DPY19L4: variants seen among roughly 807,000 people sequenced by gnomAD.
DPY19L4 encodes the protein dpy-19 like 4.
A neutral mutation model predicts 102.8 loss-of-function variants in DPY19L4; 97 were observed. That is an observed-to-expected ratio of 0.94 (90% CI 0.80 to 1.12). The LOEUF (loss-of-function observed/expected upper bound fraction) is 1.12. DPY19L4 is among the 50% of genes most tolerant of loss of function. The pLI is 0.00. For synonymous variants in DPY19L4, 252 were observed against 283.1 expected, an observed-to-expected ratio of 0.89 and a Z score of 1.10; for missense variants, 815 against 850.4, an observed-to-expected ratio of 0.96 and a Z score of 0.52.
intron 4 of DPY19L4, 91 bp downstream of exon 4, chr8:94,738,550 TGTCACCCAGGC>T (rs1017317616): frequency 1.2e-5 from 7 of 608,118 alleles, no homozygotes; most frequent in Non-Finnish European, 1.7e-5. Flanking sequence ...AGTCTTGCTC[TGTCACCCAGGC>T]TGGAGTGCAG....
At chr8:94,724,715 G>T (rs905742543) in intron 1 of DPY19L4, among the ~76,000 whole-genome samples, 3 of 152,154 alleles carry the variant, frequency 2.0e-5, no homozygotes, top group Non-Finnish European at 1.5e-5. Flanking sequence ...AGCCTCCTGA[G>T]TAGCTGGGAT....
intron 13 of DPY19L4, among the ~76,000 whole-genome samples, chr8:94,775,109 C>T (rs1813115900): frequency 6.6e-6 from 1 of 151,972 alleles, no homozygotes; most frequent in African/African-American, 2.4e-5. Context: ...AAAAACTATG[C>T]ATGTATTCCA....
chr8:94,784,554 G>A lies in DPY19L4; in HGVS notation c.1848+752G>A, dbSNP rs558500576. 5.3e-5 allele frequency among the ~76,000 whole-genome samples: 8 copies of A among 152,058 alleles called. No homozygotes were observed. The South Asian group carries it at 1.0e-3, about 20-fold the overall frequency. On this transcript the variant is annotated intron_variant, in intron 17 of 18. Transcript: ENST00000414645. ...AGTGATTCTTCTGCCTCAGTCTCCC[G>A]AGTAGCTGGGATTACAGGCACCAGC...
chr8:94,721,554 G>A (rs1301547147), intron 1 of DPY19L4, among the ~76,000 whole-genome samples: 1 of 152,106 alleles, frequency 6.6e-6, no homozygotes, highest in Non-Finnish European at 1.5e-5. Context: ...AATATTTCTT[G>A]ATGTATTTTT....
chr8:94,768,763 G>A (rs183455525), intron 12 of DPY19L4, among the ~76,000 whole-genome samples: 12 of 152,170 alleles, frequency 7.9e-5, no homozygotes, highest in Admixed American at 3.9e-4. Context: ...GGAGGCCGAA[G>A]CGGGCAGATC....
chr8:94,742,183 G>C (rs11990813), intron 6 of DPY19L4, among the ~76,000 whole-genome samples: 32,278 of 151,734 alleles, frequency 0.21, 4,099 homozygotes, highest in African/African-American at 0.35. Flanking sequence ...ACGGTGAAAC[G>C]CCATCTCTAC....
intron 17 of DPY19L4, among the ~76,000 whole-genome samples, chr8:94,785,749 G>T (rs1213963500): frequency 6.6e-6 from 1 of 152,214 alleles, no homozygotes; most frequent in Admixed American, 6.5e-5. Flanking sequence ...AGAGACAGCA[G>T]CCATCTCTGA....
At chr8:94,746,322 AAGTGCTG>A (rs1362663799) in intron 6 of DPY19L4, among the ~76,000 whole-genome samples, 2 of 151,952 alleles carry the variant, frequency 1.3e-5, no homozygotes, top group African/African-American at 4.8e-5. Flanking sequence ...TGGCCTCCCA[AAGTGCTG>A]GGATTACAGG....
intron 6 of DPY19L4, among the ~76,000 whole-genome samples, chr8:94,753,946 C>G (rs986411219): frequency 1.3e-5 from 2 of 152,048 alleles, no homozygotes; most frequent in African/African-American, 4.8e-5. Flanking sequence ...CTTTGGGAAG[C>G]CAAGGCAGGC....
intron 3 of DPY19L4, among the ~76,000 whole-genome samples, chr8:94,737,495 C>T (rs913588532): frequency 1.3e-5 from 2 of 151,746 alleles, no homozygotes; most frequent in African/African-American, 4.8e-5. Context: ...AATTTAAAAC[C>T]AAGTAAGGGC....
At chr8:94,777,321 C>T (rs1813229930) in intron 13 of DPY19L4, among the ~76,000 whole-genome samples, 1 of 152,132 alleles carries the variant, frequency 6.6e-6, no homozygotes, top group Non-Finnish European at 1.5e-5. Context: ...CCCACCTCAG[C>T]CTCCCAAAGT....
chr8:94,777,891 G>A, intron 14 of DPY19L4, 105 bp downstream of exon 14: 1 of 1,324,902 alleles, frequency 7.5e-7, no homozygotes, highest in Non-Finnish European at 1.0e-6. Flanking sequence ...TAAATTACAT[G>A]ATGACTTACA....
At chr8:94,789,652 T>A in intron 18 of DPY19L4, 94 bp from the exon 19 acceptor site, 1 of 1,148,764 alleles carries the variant, frequency 8.7e-7, no homozygotes, top group Admixed American at 2.6e-5. Flanking sequence ...CAATAATGTG[T>A]TTTTTCATAT....
rs1452849142 is a variant in DPY19L4, at chr8:94,739,477, A to T, written c.408A>T (p.Gln136His). The T allele has an allele frequency of 2.5e-6, 4 of 1,609,210 alleles. No homozygotes were observed. The highest frequency in any genetic ancestry group is 3.4e-6 in the Non-Finnish European group (4 of 1,178,878). Residue 136 changes from glutamine (Q) to histidine (H), a missense_variant, in exon 5 of 19, where the codon CAA (glutamine) becomes CAT (histidine). Coordinates refer to ENST00000414645, the MANE Select transcript of DPY19L4 (RefSeq NM_181787.3). ...TGAAGACTATAAATGCAGTGCAGCA[A>T]ATGTCTCTGTATCCGGAACTTATTG... is the stretch of plus-strand genomic sequence containing the variant. ...VSLKTINAVQ[Q>H]MSLYPELIAS...
chr8:94,728,294 G>C (rs1810779731), intron 2 of DPY19L4, among the ~76,000 whole-genome samples: 1 of 152,206 alleles, frequency 6.6e-6, no homozygotes, highest in South Asian at 2.1e-4. Context: ...TACACTGTTG[G>C]ACAGGGACAG....
chr8:94,723,160 A>G (rs753996620), intron 1 of DPY19L4, among the ~76,000 whole-genome samples: 12 of 152,160 alleles, frequency 7.9e-5, no homozygotes, highest in Non-Finnish European at 1.3e-4. Context: ...TTTCTTTACA[A>G]TGCTAAAAAT....
At position 94,732,444 on chromosome 8, in the gene DPY19L4, C is replaced by T. The variant is rs1295649529; in HGVS notation, c.128-2186C>T. Among the ~76,000 whole-genome samples the T allele has an allele frequency of 1.1e-4, 17 of 152,226 alleles. No homozygotes were observed. In the East Asian group the frequency reaches 3.1e-3, roughly 28 times the overall value. ...GCAGTGGCTCATGTCTGTAATTCAG[C>T]ACTTTAGGAAGCCAAAGTGGAAGGA... On this transcript the variant is annotated intron_variant, in intron 2 of 18. Coordinates refer to ENST00000414645, the MANE Select transcript of DPY19L4 (RefSeq NM_181787.3).
intron 6 of DPY19L4, among the ~76,000 whole-genome samples, chr8:94,743,781 G>A (rs1042477412): frequency 6.6e-6 from 1 of 152,176 alleles, no homozygotes; most frequent in Non-Finnish European, 1.5e-5. Flanking sequence ...TGAGGCGGGT[G>A]GATCACTTGA....
In DPY19L4 at chr8:94,781,118, T is replaced by C; in HGVS notation, c.1667T>C (p.Leu556Pro). Residue 556 changes from leucine to proline, a missense_variant, in exon 16 of 19, where the codon CTA becomes CCA. By Grantham distance (98) the Leu-to-Pro change is moderately conservative. Transcript: ENST00000414645. ...FPRLMTELME[L>P]QEFYDPDTVE... ...AGATTAATGACAGAATTAATGGAACTACAGGAATTCTATGACCCAGATACA... is the reference window on the plus strand; with the variant it reads ...AGATTAATGACAGAATTAATGGAACCACAGGAATTCTATGACCCAGATACA... 1 of 1,578,884 alleles carries C rather than the reference T, an allele frequency of 6.3e-7. No homozygotes were observed. Among genetic ancestry groups the C allele is most frequent in the Non-Finnish European group, 8.6e-7 (1 of 1,161,534 alleles).
Sources: allele counts gnomAD v4.1 joint callset (sites outside exome capture counted in the v4.1 genomes callset), GRCh38; gene constraint gnomAD v4.1.1; transcripts MANE v1.5; gene names NCBI Gene and HGNC (gene_info 2026-07-23, HGNC 2026-07-21).